Variants in WDR35 observed in about 807,000 individuals in gnomAD.
WDR35 encodes WD repeat domain 35, also known as WD repeat-containing protein 35.
In WDR35, 118 loss-of-function variants were observed where a neutral mutation model predicts 158.3. The observed-to-expected ratio is 0.75, with a 90% CI of 0.64 to 0.87. The LOEUF is 0.87. WDR35 is among the 40% of genes least tolerant of loss of function. The pLI is 0.00. For missense variants in WDR35, 1,263 were observed against 1,405.8 expected, an observed-to-expected ratio of 0.90 and a Z score of 1.62; for synonymous variants, 448 against 476.1, an observed-to-expected ratio of 0.94 and a Z score of 0.77.
rs772534528 is a variant in WDR35, at chr2:19,953,871, TA to T, written c.1362del (p.Asn455IlefsTer45). 1.1e-5 allele frequency: 17 copies of T among 1,614,034 alleles called. No individual in the cohort carries two copies. Among genetic ancestry groups the T allele is most frequent in the Non-Finnish European group, 1.4e-5 (16 of 1,180,014 alleles). On this transcript the variant is annotated frameshift_variant, in exon 12 of 27. Transcript: ENST00000281405. LOFTEE classifies it high-confidence loss of function. Reference protein sequence around the residue: ...RVAKKLTALEINQITRSRKEG... With the variant: ...RVAKKLTALEXNQITRSRKEG... ...TCTTTTCGAGACCGTGTGATCTGAT[TA>T]ATTTCCAATGCTGTGAGCTTCTTTG...
At chr2:19,947,537 A>C (rs890044980) in intron 14 of WDR35, among the ~76,000 whole-genome samples, 2 of 152,212 alleles carry the variant, frequency 1.3e-5, no homozygotes, top group African/African-American at 4.8e-5. Context: ...GAGCTCAAGA[A>C]AAGACACTAT....
chr2:19,974,342 G>C, intron 7 of WDR35, 126 bp downstream of exon 7: 2 of 963,294 alleles, frequency 2.1e-6, no homozygotes, highest in Non-Finnish European at 3.0e-6. Context: ...CCGGGAGGCA[G>C]AAGTTGCCGT....
In WDR35 at chr2:19,952,058, G is replaced by C. The variant is rs13006748; in HGVS notation, c.1401-574C>G. On this transcript the variant is annotated intron_variant, in intron 12 of 26. Coordinates refer to ENST00000281405, the MANE Select transcript of WDR35 (RefSeq NM_020779.4). ...TTAAGGGGTACAAAAGTACAGTTCT[G>C]TTATATGGATATATTGAGTAGTGGT... 0.25 allele frequency: 37,663 copies of C among 152,574 alleles called. 5,146 individuals are homozygous for C. The highest frequency in any genetic ancestry group is 0.3 in the Non-Finnish European group (20,471 of 68,482). The allele number at this position is 152,574 out of a possible 1,614,324, so 9.5% of individuals were successfully genotyped here. A position where few individuals can be genotyped will look rare whatever the true frequency, so the allele number is the denominator to read the frequency against.
Position 19,936,311 on chromosome 2 carries a change from C to T in WDR35, c.2322G>A (p.Gln774=). ...CATCACCAGATCCAGTTTTCAGGAG[C>T]TGGAGTACTCTAAACCAATCCCCCA... ...LKLGDWFRVL[Q]LLKTGSGDAD... The change falls in exon 20 of 27, where the codon CAG becomes CAA. Residue 774 remains glutamine (Q), a synonymous_variant. Coordinates refer to ENST00000281405, the MANE Select transcript of WDR35 (RefSeq NM_020779.4). 1 of 1,614,036 alleles carries T rather than the reference C, an allele frequency of 6.2e-7. No homozygotes were observed. The highest frequency in any genetic ancestry group is 8.5e-7 in the Non-Finnish European group (1 of 1,179,940).
intron 10 of WDR35, among the ~76,000 whole-genome samples, chr2:19,966,475 A>G (rs1272747868): frequency 6.6e-6 from 1 of 152,178 alleles, no homozygotes; most frequent in Non-Finnish European, 1.5e-5. Flanking sequence ...TATATTTCAG[A>G]AACAAAAAGC....
Position 19,921,077 on chromosome 2 carries a change from G to C in WDR35, c.3122-6800C>G, listed in dbSNP as rs561643935. 2.6e-5 allele frequency among the ~76,000 whole-genome samples: 4 copies of C among 152,252 alleles called. No individual in the cohort carries two copies. The East Asian group carries it at 7.7e-4, about 29-fold the overall frequency. ...TACAAACCACTGCTCAAGAAAATAA[G>C]AGAGGACACAAACAAATGCAAAAAC... is the stretch of plus-strand genomic sequence containing the variant. On this transcript the variant is annotated intron_variant, in intron 25 of 26. Transcript: ENST00000281405.
intron 12 of WDR35, 128 bp from the exon 13 acceptor site, chr2:19,951,612 G>A (rs1572341955): frequency 1.3e-6 from 1 of 748,866 alleles, no homozygotes; most frequent in East Asian, 2.8e-5. Flanking sequence ...GATTATTTTA[G>A]AGAGTTCTCA....
intron 11 of WDR35, among the ~76,000 whole-genome samples, chr2:19,958,117 A>T (rs1362389565): frequency 2.6e-5 from 4 of 152,188 alleles, no homozygotes; most frequent in Non-Finnish European, 2.9e-5. Flanking sequence ...AAATGTTTTC[A>T]TCAAATTAAC....
chr2:19,936,219 C>T lies in WDR35; in HGVS notation c.2414G>A (p.Trp805Ter), dbSNP rs778456173. 5 of 1,613,668 alleles carry T rather than the reference C, an allele frequency of 3.1e-6. No individual in the cohort carries two copies. Among genetic ancestry groups the T allele is most frequent in the Non-Finnish European group, 4.2e-6 (5 of 1,179,854 alleles). ...GAGGAGCTCCAGGTAAGTTACATAC[C>T]ACTTTTGTCGATCAGCAAAGTAGTC... ...IGDYFADRQKWLNAVQYYVQG... is the reference protein window; with the variant it reads ...IGDYFADRQK The change falls in exon 20 of 27, where the codon TGG becomes TAG. Residue 805 changes from tryptophan (W) to a stop codon, truncating the protein, a stop_gained and splice_region_variant. Transcript: ENST00000281405. LOFTEE classifies it high-confidence loss of function.
At chr2:19,985,445 C>T (rs989892470) in intron 2 of WDR35, among the ~76,000 whole-genome samples, 7 of 145,408 alleles carry the variant, frequency 4.8e-5, no homozygotes, top group Non-Finnish European at 7.6e-5. Context: ...AACCCAGGAC[C>T]ATCATCCTCA....
chr2:19,942,105 C>T (rs186244336), intron 16 of WDR35, among the ~76,000 whole-genome samples: 27 of 152,206 alleles, frequency 1.8e-4, no homozygotes, highest in Admixed American at 5.9e-4. Flanking sequence ...ATCTTTAAAA[C>T]ATAAGAATTT....
intron 22 of WDR35, among the ~76,000 whole-genome samples, 187 bp downstream of exon 22, chr2:19,933,214 A>G (rs1194420096): frequency 6.6e-6 from 1 of 152,222 alleles, no homozygotes; most frequent in Non-Finnish European, 1.5e-5. Flanking sequence ...TTAAGAGGTA[A>G]GTGCAACTTT....
intron 17 of WDR35, among the ~76,000 whole-genome samples, chr2:19,940,145 G>T (rs1376695290): frequency 2.1e-5 from 3 of 146,300 alleles, no homozygotes; most frequent in African/African-American, 5.0e-5. Context: ...TTGAGCCCAG[G>T]AGTTCAAGAC....
chr2:19,914,293 C>T lies in WDR35; in HGVS notation c.3122-16G>A, dbSNP rs1318873553. On this transcript the variant is annotated splice_polypyrimidine_tract_variant and intron_variant, in intron 25 of 26. Transcript: ENST00000281405. ...AGGTGAAGAGCTAAGAAAAACAGGG[C>T]AATTGGGGTTTTTTAAAATAATTAT... is the stretch of plus-strand genomic sequence containing the variant. 6.2e-7 allele frequency: 1 copy of T among 1,613,736 alleles called. No homozygotes were observed. The highest frequency in any genetic ancestry group is 1.1e-5 in the South Asian group (1 of 90,930).
At chr2:19,945,739 T>G (rs1359024893) in intron 16 of WDR35, 47 bp downstream of exon 16, 1 of 1,604,588 alleles carries the variant, frequency 6.2e-7, no homozygotes, top group South Asian at 1.1e-5. Flanking sequence ...GGTTTTTATA[T>G]TTGGCTCATT....
At chr2:19,982,889 G>A (rs564778342) in intron 2 of WDR35, among the ~76,000 whole-genome samples, 1 of 151,996 alleles carries the variant, frequency 6.6e-6, no homozygotes, top group South Asian at 2.1e-4. Flanking sequence ...TTTGAAAATG[G>A]GTTTTTACTA....
intron 16 of WDR35, among the ~76,000 whole-genome samples, chr2:19,943,236 G>T (rs760488339): frequency 1.5e-4 from 23 of 152,092 alleles, no homozygotes; most frequent in Non-Finnish European, 2.9e-4. Context: ...TCCTAGCACA[G>T]ATTCTTGTAT....
intron 25 of WDR35, among the ~76,000 whole-genome samples, chr2:19,922,794 C>T (rs1243637461): frequency 1.3e-5 from 2 of 152,186 alleles, no homozygotes; most frequent in Non-Finnish European, 2.9e-5. Flanking sequence ...AGCCCCAAAA[C>T]TGGCCATAAA....
intron 10 of WDR35, 107 bp from the exon 11 acceptor site, chr2:19,960,721 G>A: frequency 2.4e-6 from 2 of 826,050 alleles, no homozygotes; most frequent in Non-Finnish European, 3.9e-6. Context: ...TTGCTAACTG[G>A]GAAATAACTG....
Sources: gnomAD v4.1 joint callset for allele counts (sites outside exome capture counted in the v4.1 genomes callset) on GRCh38, gnomAD v4.1.1 for gene constraint, MANE v1.5 for transcripts, NCBI Gene and HGNC (gene_info 2026-07-23, HGNC 2026-07-21) for gene names.